The following ZSCAN25 variants were observed in gnomAD, a reference collection of about 807,000 sequenced individuals.
ZSCAN25 encodes zinc finger and SCAN domain containing 25.
A neutral mutation model predicts 38.7 loss-of-function variants in ZSCAN25; 27 were observed. That is an observed-to-expected ratio of 0.70 (90% CI 0.51 to 0.96). ZSCAN25 has a LOEUF of 0.96. ZSCAN25 is among the 40% of genes least tolerant of loss of function. The probability of loss-of-function intolerance (pLI) is 0.00; values close to 1 mark genes in which losing one functional copy is unlikely to be tolerated. For synonymous variants in ZSCAN25, 273 were observed against 277.7 expected, an observed-to-expected ratio of 0.98 and a Z score of 0.17; for missense variants, 637 against 705.9, an observed-to-expected ratio of 0.90 and a Z score of 1.11.
chr7:99,713,330 C>G, the ZSCAN25 span: 1 of 1,345,750 alleles, frequency 7.4e-7, no homozygotes, highest in Admixed American at 2.0e-5. Context: ...CTCCAGCTAC[C>G]ATTTTAACAT....
At chr7:99,676,187 T>TC in the ZSCAN25 span, 12,673 of 1,613,666 alleles carry the variant, frequency 7.9e-3, 67 homozygotes, top group Non-Finnish European at 9.1e-3. Context: ...TCTTAAAAAG[T>TC]CCATGTGTAC....
At position 99,621,408 on chromosome 7, in the gene ZSCAN25, A is replaced by C. The variant is rs781328817; in HGVS notation, c.423A>C (p.Thr141=). Reference sequence around the variant, plus strand: ...ACAGGCAGGGAGAGCAGGAGGAAACAGCACTTTGCAGAGGCGCTTGGGAGC... The same window carrying C: ...ACAGGCAGGGAGAGCAGGAGGAAACCGCACTTTGCAGAGGCGCTTGGGAGC... ...PCHRQGEQEE[T]ALCRGAWEPG... Residue 141 remains threonine, a synonymous_variant, in exon 5 of 8, where the codon ACA becomes ACC. Transcript: ENST00000394152. The C allele has an allele frequency of 6.7e-7, 1 of 1,495,394 alleles. No individual in the cohort carries two copies. The highest frequency in any genetic ancestry group is 2.0e-5 in the Admixed American group (1 of 48,962). 92.6% of individuals were successfully genotyped at this position (1,495,394 alleles called of 1,614,324 possible).
the ZSCAN25 span, among the ~76,000 whole-genome samples, chr7:99,665,945 C>T: frequency 3.4e-4 from 51 of 152,154 alleles, no homozygotes; most frequent in Admixed American, 3.3e-3. Context: ...TAGATCTCTC[C>T]AACATTGATT....
At chr7:99,622,208 AG>A in intron 5 of ZSCAN25, 2 of 295,246 alleles carry the variant, frequency 6.8e-6, no homozygotes, top group Non-Finnish European at 6.5e-6. Flanking sequence ...TACAGGCATG[AG>A]CCACCGCGCC....
the ZSCAN25 span, chr7:99,663,722 C>G: frequency 3.6e-6 from 4 of 1,109,458 alleles, no homozygotes; most frequent in Non-Finnish European, 4.4e-6. Flanking sequence ...AATTTTATCT[C>G]AATACTGTTT....
chr7:99,619,634 G>T lies in ZSCAN25; in HGVS notation c.28G>T (p.Glu10Ter). MLKEHPEMA[E>*]APQQQLGIPV... Reference sequence around the variant, plus strand: ...GCTTAAAGAGCATCCAGAGATGGCGGAAGCTCCTCAGCAGCAGTTGGGTAT... The same window carrying T: ...GCTTAAAGAGCATCCAGAGATGGCGTAAGCTCCTCAGCAGCAGTTGGGTAT... The change falls in exon 4 of 8, where the codon GAA (glutamate) becomes TAA (stop). Residue 10 changes from glutamate to a stop codon, truncating the protein, a stop_gained. Transcript: ENST00000394152. LOFTEE classifies it high-confidence loss of function. 6.2e-7 allele frequency: 1 copy of T among 1,613,936 alleles called. No homozygotes were observed. The highest frequency in any genetic ancestry group is 8.5e-7 in the Non-Finnish European group (1 of 1,179,858).
At chr7:99,623,348 A>T (rs895109272) in intron 6 of ZSCAN25, among the ~76,000 whole-genome samples, 6 of 152,258 alleles carry the variant, frequency 3.9e-5, no homozygotes, top group African/African-American at 1.4e-4. Context: ...TAGGAGTTGG[A>T]CCTCGTTAAC....
rs565457318 is a variant in ZSCAN25 at position 99,631,764 on chromosome 7, T to C, written c.*1744T>C. On this transcript the variant is annotated 3_prime_UTR_variant, in exon 8 of 8. Transcript: ENST00000394152. ...CTAATTTTGGCTTAGCAAATGACGC[T>C]CCTTGGTCTTCCTGGCTCATTAGCT... 8 of 985,452 alleles carry C rather than the reference T, an allele frequency of 8.1e-6. No homozygotes were observed. In the South Asian group the frequency reaches 3.8e-4, roughly 46 times the overall value. The allele number at this position is 985,452 out of a possible 1,614,324, so 61.0% of individuals were successfully genotyped here. A position where few individuals can be genotyped will look rare whatever the true frequency, so the allele number is the denominator to read the frequency against.
the ZSCAN25 span, among the ~76,000 whole-genome samples, chr7:99,687,561 C>T: frequency 1.2e-4 from 19 of 152,206 alleles, no homozygotes; most frequent in South Asian, 1.5e-3. Flanking sequence ...GACCTGAAAG[C>T]GATGGGGAGA....
intron 7 of ZSCAN25, among the ~76,000 whole-genome samples, chr7:99,627,513 C>G (rs1425335354): frequency 6.6e-6 from 1 of 152,004 alleles, no homozygotes; most frequent in Admixed American, 6.6e-5. Flanking sequence ...AAAGAATAAA[C>G]TACAGCTTCA....
the ZSCAN25 span, among the ~76,000 whole-genome samples, chr7:99,696,236 C>CTTTTTTTT: frequency 2.0e-5 from 3 of 147,342 alleles, no homozygotes. Flanking sequence ...GAAAGGGTGA[C>CTTTTTTTT]TTTTTTTTTT....
At chr7:99,696,880 G>A in the ZSCAN25 span, among the ~76,000 whole-genome samples, 1 of 152,144 alleles carries the variant, frequency 6.6e-6, no homozygotes, top group East Asian at 1.9e-4. Flanking sequence ...TTTATGAGAT[G>A]TGGTGGCTTA....
chr7:99,646,752 C>G, the ZSCAN25 span, among the ~76,000 whole-genome samples: 1 of 151,118 alleles, frequency 6.6e-6, no homozygotes, highest in Non-Finnish European at 1.5e-5. Context: ...ATTGAAATGT[C>G]ATTGTTATCT....
At chr7:99,655,139 A>G in the ZSCAN25 span, among the ~76,000 whole-genome samples, 2 of 152,224 alleles carry the variant, frequency 1.3e-5, no homozygotes, top group Non-Finnish European at 1.5e-5. Flanking sequence ...TGTTTTAGAC[A>G]TGAAGTCCTT....
the ZSCAN25 span, among the ~76,000 whole-genome samples, chr7:99,729,437 C>A: frequency 1.3e-5 from 2 of 152,182 alleles, no homozygotes; most frequent in African/African-American, 4.8e-5. Flanking sequence ...TACCACCCCC[C>A]AAAAATTTTT....
At chr7:99,678,088 C>G in the ZSCAN25 span, among the ~76,000 whole-genome samples, 1 of 152,352 alleles carries the variant, frequency 6.6e-6, no homozygotes, top group South Asian at 2.1e-4. Flanking sequence ...AGGGCCTGGT[C>G]TACACTGCAT....
At position 99,631,738 on chromosome 7, in the gene ZSCAN25, T is replaced by G; in HGVS notation, c.*1718T>G. On this transcript the variant is annotated 3_prime_UTR_variant, in exon 8 of 8. Transcript: ENST00000394152. ...CCTGTTCTTGTTAGGCAGCATGGTG[T>G]CTAATTTTGGCTTAGCAAATGACGC... is the stretch of plus-strand genomic sequence containing the variant. 11 of 985,410 alleles carry G rather than the reference T, an allele frequency of 1.1e-5. No homozygotes were observed. The highest frequency in any genetic ancestry group is 1.3e-5 in the Non-Finnish European group (11 of 829,946). 61.0% of individuals were successfully genotyped at this position (985,410 alleles called of 1,614,324 possible).
the ZSCAN25 span, among the ~76,000 whole-genome samples, chr7:99,679,017 C>T: frequency 6.6e-6 from 1 of 152,200 alleles, no homozygotes; most frequent in Non-Finnish European, 1.5e-5. Context: ...TTTCATGGCT[C>T]CTGCCTTTTC....
chr7:99,719,365 T>G, the ZSCAN25 span, among the ~76,000 whole-genome samples: 5 of 152,166 alleles, frequency 3.3e-5, no homozygotes, highest in African/African-American at 1.2e-4. Context: ...CCAATTAATT[T>G]TTAACAATAT....
Sources: allele counts gnomAD v4.1 joint callset (sites outside exome capture counted in the v4.1 genomes callset), GRCh38; gene constraint gnomAD v4.1.1; transcripts MANE v1.5; gene names NCBI Gene and HGNC (gene_info 2026-07-23, HGNC 2026-07-21).